The following CACNA1C variants were observed in gnomAD, a reference collection of about 807,000 sequenced individuals.
The protein encoded by CACNA1C is calcium voltage-gated channel subunit alpha1 C.
CACNA1C carries 30 observed loss-of-function variants against 229.0 expected under a neutral mutation model. The ratio of observed to expected loss-of-function variants is 0.13; its 90% CI spans 0.10 to 0.18. CACNA1C has a LOEUF of 0.18. Among genes scored for constraint, CACNA1C ranks in the 10% least tolerant of loss-of-function variants. CACNA1C has a pLI of 1.00. For missense variants in CACNA1C, 1,658 were observed against 2,845.0 expected (o/e 0.58, Z 9.49); for synonymous variants, 1,114 against 1,132.5 (o/e 0.98, Z 0.33).
chr12:2,142,245 G>A (rs1026721999), intron 3 of CACNA1C, among the ~76,000 whole-genome samples: 1 of 151,200 alleles, frequency 6.6e-6, no homozygotes, highest in Non-Finnish European at 1.5e-5. Flanking sequence ...CAAGGACAGA[G>A]CACATGTACG....
intron 39 of CACNA1C, among the ~76,000 whole-genome samples, chr12:2,675,508 G>A (rs1044729488): frequency 2.6e-5 from 4 of 152,150 alleles, no homozygotes; most frequent in Non-Finnish European, 4.4e-5. Flanking sequence ...CAGAACAACC[G>A]TGATGTGACA....
intron 1 of CACNA1C, among the ~76,000 whole-genome samples, chr12:2,055,388 A>C (rs2054280042): frequency 6.6e-6 from 1 of 152,222 alleles, no homozygotes; most frequent in African/African-American, 2.4e-5. Context: ...CCTAAGTATC[A>C]CTGTCAATGG....
At chr12:2,672,859 A>G (rs2096625450) in intron 38 of CACNA1C, among the ~76,000 whole-genome samples, 1 of 152,230 alleles carries the variant, frequency 6.6e-6, no homozygotes, top group Non-Finnish European at 1.5e-5. Flanking sequence ...AGGATCTTGC[A>G]CTGCGTGTGT....
At chr12:2,672,652 T>A (rs775658264) in intron 38 of CACNA1C, among the ~76,000 whole-genome samples, 1 of 152,138 alleles carries the variant, frequency 6.6e-6, no homozygotes. Context: ...TGTCCTCTCC[T>A]CTTCTTGGAA....
chr12:2,105,878 G>A lies in CACNA1C; in HGVS notation c.50-9346G>A, dbSNP rs12810747. On this transcript the variant is annotated intron_variant, in intron 1 of 46. Coordinates refer to ENST00000399655, the MANE Select transcript of CACNA1C (RefSeq NM_000719.7). The stretch of plus-strand genomic sequence containing the variant: ...AGGGTTTCCACCTCAGCTGGGCATC[G>A]TGAAGCCACTGGGCGCCCACCCCGG... 1.7e-4 allele frequency among the ~76,000 whole-genome samples: 2 copies of A among 12,008 alleles called. 1 individual carries two copies. The highest frequency in any genetic ancestry group is 5.5e-4 in the African/African-American group (2 of 3,666). 7.9% of individuals were successfully genotyped at this position (12,008 alleles called of 152,430 possible). A position where few individuals can be genotyped will look rare whatever the true frequency, so the allele number is the denominator to read the frequency against.
Position 2,677,012 on chromosome 12 carries a change from A to C in CACNA1C, c.4829-82A>C. The C allele has an allele frequency of 2.5e-6, 3 of 1,204,460 alleles. No homozygotes were observed. The highest frequency in any genetic ancestry group is 2.1e-5 in the Admixed American group (1 of 48,492). The allele number at this position is 1,204,460 out of a possible 1,614,324, so 74.6% of individuals were successfully genotyped here. On this transcript the variant is annotated intron_variant, in intron 39 of 46. Coordinates refer to ENST00000399655, the MANE Select transcript of CACNA1C (RefSeq NM_000719.7). The surrounding 1 kb of genome is among the most constrained non-coding windows in gnomAD (Gnocchi z 7.4). ...ATATTAAAGTTTTAAAAAGTTTTGG[A>C]TGCTGAAAAAAAAAATGAATGAAGT...
At chr12:2,551,801 C>T (rs1310703430) in intron 10 of CACNA1C, among the ~76,000 whole-genome samples, 6 of 151,970 alleles carry the variant, frequency 3.9e-5, no homozygotes, top group East Asian at 3.9e-4. Context: ...CAGGGGCAGG[C>T]GGGTGCAGGT....
At position 2,651,524 on chromosome 12, in the gene CACNA1C, A is replaced by G; in HGVS notation, c.3946-116A>G. ...TCGGAGGGGGAAGTCTAGTGCAGCAAACCCTGGCCTGCCTTCCGCCACTGC... is the reference window on the plus strand; with the variant it reads ...TCGGAGGGGGAAGTCTAGTGCAGCAGACCCTGGCCTGCCTTCCGCCACTGC... On this transcript the variant is annotated intron_variant, in intron 31 of 46. Transcript: ENST00000399655. The surrounding 1 kb of genome is among the most constrained non-coding windows in gnomAD (Gnocchi z 5.4). 6.6e-7 allele frequency: 1 copy of G among 1,520,008 alleles called. No homozygotes were observed. The highest frequency in any genetic ancestry group is 9.1e-7 in the Non-Finnish European group (1 of 1,100,446). The allele number at this position is 1,520,008 out of a possible 1,614,324, so 94.2% of individuals were successfully genotyped here.
rs1199654655 is a variant in CACNA1C, at chr12:2,689,099, G to A, written c.6117+320G>A. ...TTATACACAGACAGGCAAGATCCAA[G>A]GTGCTCAGGCCTGACTGCCCGTGAG... On this transcript the variant is annotated intron_variant, in intron 46 of 46. Coordinates refer to ENST00000399655, the MANE Select transcript of CACNA1C (RefSeq NM_000719.7). This position sits in a 1 kb window ranked among gnomAD's most constrained non-coding sequence, Gnocchi z 4.2. Among the ~76,000 whole-genome samples the A allele has an allele frequency of 1.3e-5, 2 of 152,160 alleles. No homozygotes were observed. The highest frequency in any genetic ancestry group is 1.5e-5 in the Non-Finnish European group (1 of 68,028).
Position 2,693,960 on chromosome 12 carries a change from A to G in CACNA1C, c.*2761A>G, listed in dbSNP as rs554315574. ...GACAAAGTGGAGAAATGTACTCAAT[A>G]CTCCCCGGTTAACACAGTCTAGAAA... On this transcript the variant is annotated 3_prime_UTR_variant, in exon 47 of 47. Transcript: ENST00000399655. The G allele has an allele frequency of 2.6e-5, 4 of 152,078 alleles. No individual in the cohort carries two copies. The highest frequency in any genetic ancestry group is 9.6e-5 in the African/African-American group (4 of 41,478). The allele number at this position is 152,078 out of a possible 1,614,324, so 9.4% of individuals were successfully genotyped here. A position where few individuals can be genotyped will look rare whatever the true frequency, so the allele number is the denominator to read the frequency against.
At position 2,654,554 on chromosome 12, in the gene CACNA1C, G is replaced by A. The variant is rs891169589; in HGVS notation, c.4141-593G>A. 2.6e-5 allele frequency among the ~76,000 whole-genome samples: 4 copies of A among 152,178 alleles called. No individual in the cohort carries two copies. The highest frequency in any genetic ancestry group is 9.7e-5 in the African/African-American group (4 of 41,424). ...ACTAGCCCAAAGCGCTTCCTCGGCC[G>A]CTCCTTCAGGAAGTCCCCTACTTGC... is the stretch of plus-strand genomic sequence containing the variant. On this transcript the variant is annotated intron_variant, in intron 33 of 46. Coordinates refer to ENST00000399655, the MANE Select transcript of CACNA1C (RefSeq NM_000719.7). This position sits in a 1 kb window ranked among gnomAD's most constrained non-coding sequence, Gnocchi z 4.4.
At chr12:2,416,378 G>T (rs1433327159) in intron 3 of CACNA1C, among the ~76,000 whole-genome samples, 1 of 152,082 alleles carries the variant, frequency 6.6e-6, no homozygotes. Context: ...AGGAAGGAGG[G>T]AAGGAAGGAG....
Position 2,566,842 on chromosome 12 carries a change from G to C in CACNA1C, c.1669+260G>C. Among the ~76,000 whole-genome samples the C allele has an allele frequency of 6.6e-6, 1 of 152,182 alleles. No homozygotes were observed. Among genetic ancestry groups the C allele is most frequent in the Non-Finnish European group, 1.5e-5 (1 of 68,026 alleles). ...TGCCCCAAAGTCACTGTTGGACCCAGGTGATGAGGAAAGGGGCTGCAGCTT... is the reference window on the plus strand; with the variant it reads ...TGCCCCAAAGTCACTGTTGGACCCACGTGATGAGGAAAGGGGCTGCAGCTT... On this transcript the variant is annotated intron_variant, in intron 12 of 46. Coordinates refer to ENST00000399655, the MANE Select transcript of CACNA1C (RefSeq NM_000719.7). This position sits in a 1 kb window ranked among gnomAD's most constrained non-coding sequence, Gnocchi z 4.0.
chr12:2,182,767 G>A (rs577358002), intron 3 of CACNA1C, among the ~76,000 whole-genome samples: 7 of 152,280 alleles, frequency 4.6e-5, no homozygotes, highest in South Asian at 2.1e-4. Context: ...AGTGGTCCAC[G>A]ATGACACTGT....
At chr12:2,312,896 A>G (rs191316804) in intron 3 of CACNA1C, among the ~76,000 whole-genome samples, 3 of 152,254 alleles carry the variant, frequency 2.0e-5, no homozygotes, top group Admixed American at 1.3e-4. Context: ...AAACTCAGAA[A>G]TTTACTAGAA....
intron 9 of CACNA1C, among the ~76,000 whole-genome samples, chr12:2,530,713 T>C (rs532754177): frequency 6.6e-6 from 1 of 152,334 alleles, no homozygotes; most frequent in Non-Finnish European, 1.5e-5. Flanking sequence ...TTCAGTTTTT[T>C]TCGTGATGAA....
intron 3 of CACNA1C, among the ~76,000 whole-genome samples, chr12:2,411,481 C>T (rs777136857): frequency 1.3e-5 from 2 of 152,146 alleles, no homozygotes; most frequent in African/African-American, 4.8e-5. Flanking sequence ...CTTCTGTGGG[C>T]TAAAATGGCA....
intron 3 of CACNA1C, among the ~76,000 whole-genome samples, chr12:2,252,749 CCTT>C (rs1023952121): frequency 5.3e-5 from 8 of 152,206 alleles, no homozygotes; most frequent in African/African-American, 1.9e-4. Context: ...AGGTCAAACC[CCTT>C]CTTTCTTTTT....
chr12:2,528,794 G>A (rs1392705337), intron 9 of CACNA1C, among the ~76,000 whole-genome samples: 1 of 152,182 alleles, frequency 6.6e-6, no homozygotes, highest in African/African-American at 2.4e-5. Flanking sequence ...TGAGGCCGTC[G>A]GTTATCTGCG....
Sources: allele counts gnomAD v4.1 joint callset (sites outside exome capture counted in the v4.1 genomes callset), GRCh38; gene constraint gnomAD v4.1.1; non-coding constraint Gnocchi (gnomAD v3.1); transcripts MANE v1.5; gene names NCBI Gene and HGNC (gene_info 2026-07-23, HGNC 2026-07-21).